The following EPB41 variants were observed in gnomAD, a reference collection of about 807,000 sequenced individuals.
EPB41 encodes erythrocyte membrane protein band 4.1.
Under a neutral mutation model 108.0 loss-of-function variants are expected in EPB41, and 65 were observed. The observed-to-expected ratio is 0.60, with a 90% confidence interval of 0.49 to 0.74. EPB41 has a LOEUF of 0.74. Ranked by LOEUF, EPB41 falls within the 30% of genes least tolerant of loss-of-function variation. The pLI is 0.00. For missense variants in EPB41, 875 were observed against 1,037.0 expected, an observed-to-expected ratio of 0.84 and a Z score of 2.15; for synonymous variants, 336 against 358.9, an observed-to-expected ratio of 0.94 and a Z score of 0.72.
At chr1:29,089,476 A>C (rs1660420157) in intron 16 of EPB41, among the ~76,000 whole-genome samples, 1 of 152,252 alleles carries the variant, frequency 6.6e-6, no homozygotes, top group East Asian at 1.9e-4. Flanking sequence ...CAAGGATTTC[A>C]TAGGCTAATG....
chr1:29,038,673 G>A (rs1285796801), intron 10 of EPB41, among the ~76,000 whole-genome samples: 1 of 152,178 alleles, frequency 6.6e-6, no homozygotes, highest in African/African-American at 2.4e-5. Flanking sequence ...TTATAGGGGA[G>A]ACCAGCATAG....
At chr1:29,030,150 AT>A (rs1333032979) in intron 7 of EPB41, among the ~76,000 whole-genome samples, 1 of 152,138 alleles carries the variant, frequency 6.6e-6, no homozygotes, top group Non-Finnish European at 1.5e-5. Flanking sequence ...GATTAAAAAA[AT>A]TTTTTTTGCA....
chr1:29,065,225 T>C (rs765412317), intron 16 of EPB41, 67 bp downstream of exon 16: 6 of 1,482,002 alleles, frequency 4.0e-6, no homozygotes, highest in East Asian at 2.3e-5. Flanking sequence ...GTATTAATAT[T>C]CTGTATCTGA....
At chr1:29,029,782 G>A (rs2096765705) in intron 7 of EPB41, among the ~76,000 whole-genome samples, 1 of 152,144 alleles carries the variant, frequency 6.6e-6, no homozygotes, top group South Asian at 2.1e-4. Context: ...AGAGAAAACA[G>A]CCCCATTATC....
At chr1:29,035,709 A>C (rs1639188478) in intron 9 of EPB41, 117 bp from the exon 10 acceptor site, 1 of 774,504 alleles carries the variant, frequency 1.3e-6, no homozygotes, top group African/African-American at 1.8e-5. Flanking sequence ...TTATGTCCTT[A>C]AATTGGTAAC....
At chr1:28,997,160 A>G (rs1011936653) in intron 3 of EPB41, 55 bp from the exon 4 acceptor site, 14 of 1,333,458 alleles carry the variant, frequency 1.0e-5, no homozygotes, top group African/African-American at 4.3e-5. Context: ...TCTTTTGGGG[A>G]AAAAATAAAA....
intron 1 of EPB41, among the ~76,000 whole-genome samples, chr1:28,929,820 C>CA (rs2093643656): frequency 6.6e-6 from 1 of 150,658 alleles, no homozygotes; most frequent in African/African-American, 2.4e-5. Context: ...AGGCGTGAGC[C>CA]ACCGCGCCTG....
At chr1:29,013,531 ATTTG>A (rs2096536437) in intron 5 of EPB41, among the ~76,000 whole-genome samples, 1 of 151,840 alleles carries the variant, frequency 6.6e-6, no homozygotes. Flanking sequence ...TTGTTTGTTT[ATTTG>A]TTTGTTTTGA....
chr1:28,963,794 A>G (rs959623285), intron 1 of EPB41, among the ~76,000 whole-genome samples: 21 of 152,336 alleles, frequency 1.4e-4, no homozygotes, highest in African/African-American at 5.1e-4. Context: ...CCGTGAGTTT[A>G]CACTCAACAT....
intron 9 of EPB41, among the ~76,000 whole-genome samples, chr1:29,034,973 G>GTTTTTTTTTTTTTTTTT (rs10580931): frequency 1.3e-4 from 11 of 87,184 alleles, no homozygotes; most frequent in Non-Finnish European, 1.8e-4. Flanking sequence ...TTTGTTTGTT[G>GTTTTTTTTTTTTTTTTT]TTTTTTTTTT....
chr1:29,053,186 C>A lies in EPB41; in HGVS notation c.1719C>A (p.Gly573=). 1 of 1,614,108 alleles carries A rather than the reference C, an allele frequency of 6.2e-7. No homozygotes were observed. Among genetic ancestry groups the A allele is most frequent in the South Asian group, 1.1e-5 (1 of 91,080 alleles). ...AITQGQVAEG[G]VLDASAKKTV... ...CTCAGGGTCAGGTTGCAGAAGGTGG[C>A]GTCCTAGATGCCTCTGCTAAAAAAA... is the stretch of plus-strand genomic sequence containing the variant. Residue 573 remains glycine (G), a synonymous_variant, in exon 12 of 21, where the codon GGC becomes GGA. Coordinates refer to ENST00000343067, the MANE Select transcript of EPB41 (RefSeq NM_001376013.1).
At chr1:29,089,886 G>T (rs997318906) in intron 16 of EPB41, among the ~76,000 whole-genome samples, 2 of 152,102 alleles carry the variant, frequency 1.3e-5, no homozygotes, top group African/African-American at 4.8e-5. Context: ...TTCAAGGAAG[G>T]TTTGAGATGA....
intron 15 of EPB41, among the ~76,000 whole-genome samples, chr1:29,064,195 G>A (rs754079734): frequency 5.3e-5 from 8 of 152,176 alleles, no homozygotes; most frequent in Non-Finnish European, 1.2e-4. Flanking sequence ...GAAGGTTATT[G>A]CAAGAAGTCC....
intron 1 of EPB41, among the ~76,000 whole-genome samples, chr1:28,945,717 AT>A (rs1235957077): frequency 6.6e-6 from 1 of 152,228 alleles, no homozygotes; most frequent in Non-Finnish European, 1.5e-5. Flanking sequence ...AGAATACTGT[AT>A]ATTAGCCACT....
intron 1 of EPB41, among the ~76,000 whole-genome samples, chr1:28,915,731 C>CTTTTTTTTTTTTTTTTTTTTTTTCTTTT (rs11321625): frequency 1.8e-5 from 1 of 56,074 alleles, no homozygotes; most frequent in African/African-American, 7.8e-5. Flanking sequence ...TTTTCAGATG[C>CTTTTTTTTTTTTTTTTTTTTTTTCTTTT]TTTTTTTTTT....
At chr1:28,940,926 T>C (rs952224766) in intron 1 of EPB41, among the ~76,000 whole-genome samples, 69 of 152,332 alleles carry the variant, frequency 4.5e-4, no homozygotes, top group African/African-American at 1.4e-3. Context: ...CTGGGAACTT[T>C]TCATGTCTGA....
At chr1:28,891,461 TC>T (rs2090106980) in intron 1 of EPB41, among the ~76,000 whole-genome samples, 1 of 152,076 alleles carries the variant, frequency 6.6e-6, no homozygotes, top group Non-Finnish European at 1.5e-5. Flanking sequence ...GAGAACAAAA[TC>T]CAGGCAGATA....
chr1:28,937,361 T>C (rs2094077602), intron 1 of EPB41, among the ~76,000 whole-genome samples: 3 of 152,228 alleles, frequency 2.0e-5, no homozygotes, highest in Admixed American at 6.5e-5. Flanking sequence ...GTATTTCCAC[T>C]TTTCTGACGC....
chr1:28,939,948 G>T (rs992232668), intron 1 of EPB41, among the ~76,000 whole-genome samples: 1 of 152,198 alleles, frequency 6.6e-6, no homozygotes, highest in Non-Finnish European at 1.5e-5. Context: ...AGAAACTAGG[G>T]CAGCTTATCA....
Sources: gnomAD v4.1 joint callset for allele counts (sites outside exome capture counted in the v4.1 genomes callset) on GRCh38, gnomAD v4.1.1 for gene constraint, MANE v1.5 for transcripts, NCBI Gene and HGNC (gene_info 2026-07-23, HGNC 2026-07-21) for gene names.